The following SYAP1 variants were observed in gnomAD, a reference collection of about 807,000 sequenced individuals.
The protein encoded by SYAP1 is synapse-associated protein 1.
A neutral mutation model predicts 29.6 loss-of-function variants in SYAP1; 3 were observed. That is an observed-to-expected ratio of 0.10 (90% confidence interval 0.05 to 0.26). The LOEUF is 0.26. Among genes scored for constraint, SYAP1 ranks in the 10% least tolerant of loss-of-function variants. The pLI is 1.00. For missense variants in SYAP1, 217 were observed against 264.1 expected, an observed-to-expected ratio of 0.82 and a Z score of 1.24; for synonymous variants, 102 against 102.7, an observed-to-expected ratio of 0.99 and a Z score of 0.04.
intron 2 of SYAP1, among the ~76,000 whole-genome samples, chrX:16,735,724 A>G (rs1430003946): frequency 1.8e-5 from 2 of 111,684 alleles, no homozygotes; most frequent in African/African-American, 6.5e-5. Context: ...TCCTGGGTTT[A>G]TGCAACTCTC....
In SYAP1 at chrX:16,720,348, TG is replaced by T. The variant is rs202218443; in HGVS notation, c.175+450del. Among the ~76,000 whole-genome samples, 938 of 112,589 alleles carry T rather than the reference TG, an allele frequency of 8.3e-3. 10 individuals carry two copies. The highest frequency in any genetic ancestry group is 0.029 in the African/African-American group (885 of 31,015). On this transcript the variant is annotated intron_variant, in intron 1 of 8. Transcript: ENST00000380155. ...CTGAAGTAAACTGACAGTTACTGAA[TG>T]TCAATGTCTGCCCCGGTCAAATGCT...
Position 16,743,915 on chromosome X carries a change from G to A in SYAP1, c.575+75G>A, listed in dbSNP as rs73450384. On this transcript the variant is annotated intron_variant, in intron 5 of 8. Transcript: ENST00000380155. Reference sequence around the variant, plus strand: ...AGTATCAGCACATAATGATGGAAGGGGCCAAAAGGGTCTCTATCTGTTCAT... The same window carrying A: ...AGTATCAGCACATAATGATGGAAGGAGCCAAAAGGGTCTCTATCTGTTCAT... 506 of 1,075,428 alleles carry A rather than the reference G, an allele frequency of 4.7e-4. 3 individuals carry two copies. In the African/African-American group the frequency reaches 8.2e-3, roughly 17 times the overall value. The allele number at this position is 1,075,428 out of a possible 1,213,427, so 88.6% of individuals were successfully genotyped here.
At chrX:16,760,089 CTGAGCACACATAGTAG>C in intron 8 of SYAP1, 127 bp from the exon 9 acceptor site, 1 of 481,084 alleles carries the variant, frequency 2.1e-6, no homozygotes, top group Non-Finnish European at 3.2e-6. Flanking sequence ...CTGAGTTTTT[CTGAGCACACATAGTAG>C]TGAAGCCTGA....
intron 1 of SYAP1, among the ~76,000 whole-genome samples, chrX:16,720,387 A>G (rs1198036490): frequency 1.8e-5 from 2 of 112,148 alleles, no homozygotes; most frequent in Non-Finnish European, 3.8e-5. Flanking sequence ...TTAGGTACAG[A>G]GACCTTTTTC....
intron 4 of SYAP1, among the ~76,000 whole-genome samples, chrX:16,742,920 A>ATTT (rs761130108): frequency 7.9e-4 from 50 of 62,940 alleles, no homozygotes; most frequent in African/African-American, 1.1e-3. Context: ...GTCCGCTTCT[A>ATTT]TTTTTTTTTT....
At chrX:16,724,742 T>C (rs1293479912) in intron 1 of SYAP1, among the ~76,000 whole-genome samples, 3 of 111,921 alleles carry the variant, frequency 2.7e-5, no homozygotes, top group Non-Finnish European at 1.9e-5. Context: ...ATAGCTCCCT[T>C]TTTATTAAGA....
Position 16,719,880 on chromosome X carries a change from C to T in SYAP1, c.156C>T (p.His52=), listed in dbSNP as rs1925916803. The T allele has an allele frequency of 1.5e-5, 18 of 1,189,970 alleles. No individual in the cohort carries two copies. Among genetic ancestry groups the T allele is most frequent in the Non-Finnish European group, 1.8e-5 (16 of 884,786 alleles). Residue 52 remains histidine (H), a synonymous_variant, in exon 1 of 9, where the codon CAC becomes CAT. Coordinates refer to ENST00000380155, the MANE Select transcript of SYAP1 (RefSeq NM_032796.4). ...AAGCGGGAGACCAGGAGCTCCTCCA[C>T]CAGGCCAAAGACTTCGGCAGTGAGT... is the stretch of plus-strand genomic sequence containing the variant. ...LQQAGDQELL[H]QAKDFGNYLF...
rs1273548535 is a variant in SYAP1 at position 16,762,541 on chromosome X, T to C, written c.*2182T>C. The C allele has an allele frequency of 8.9e-6, 1 of 112,335 alleles. No homozygotes were observed. The highest frequency in any genetic ancestry group is 1.9e-5 in the Non-Finnish European group (1 of 53,294). 9.3% of individuals were successfully genotyped at this position (112,335 alleles called of 1,213,427 possible). A position where few individuals can be genotyped will look rare whatever the true frequency, so the allele number is the denominator to read the frequency against. On this transcript the variant is annotated 3_prime_UTR_variant, in exon 9 of 9. Coordinates refer to ENST00000380155, the MANE Select transcript of SYAP1 (RefSeq NM_032796.4). ...AATTATATAGGTAACTGAAGTGTTA[T>C]TCCTTTAAAGAGCAAAATAATTTAT...
intron 1 of SYAP1, among the ~76,000 whole-genome samples, chrX:16,722,807 C>T: frequency 8.9e-6 from 1 of 112,062 alleles, no homozygotes; most frequent in East Asian, 2.8e-4. Flanking sequence ...TATAGGAGAA[C>T]TCACTTAAGA....
chrX:16,754,006 C>T (rs756904844), intron 5 of SYAP1, among the ~76,000 whole-genome samples: 152 of 111,110 alleles, frequency 1.4e-3, no homozygotes, highest in African/African-American at 4.6e-3. Flanking sequence ...CAACACATCA[C>T]ACCAGGTGAT....
chrX:16,742,058 C>T (rs1000839465), intron 4 of SYAP1, among the ~76,000 whole-genome samples: 1 of 106,818 alleles, frequency 9.4e-6, no homozygotes, highest in African/African-American at 3.4e-5. Flanking sequence ...CTCCACCACC[C>T]GGGTTCAAAT....
In SYAP1 at chrX:16,725,766, C is replaced by T. The variant is rs985750762; in HGVS notation, c.175+5867C>T. 2.7e-5 allele frequency among the ~76,000 whole-genome samples: 3 copies of T among 111,825 alleles called. No individual in the cohort carries two copies. The East Asian group carries it at 8.3e-4, about 31-fold the overall frequency. On this transcript the variant is annotated intron_variant, in intron 1 of 8. Coordinates refer to ENST00000380155, the MANE Select transcript of SYAP1 (RefSeq NM_032796.4). ...CGTTCCTGGAGGGCAAGAACTTGTG[C>T]TTTCTCAGATATTCAGTGTGTTCAG...
At chrX:16,721,161 A>C (rs1260853092) in intron 1 of SYAP1, among the ~76,000 whole-genome samples, 4 of 72,967 alleles carry the variant, frequency 5.5e-5, no homozygotes, top group Admixed American at 1.7e-4. Flanking sequence ...GGGTGGGGGG[A>C]TGGGGGTGGA....
chrX:16,733,983 C>T (rs142907799), intron 1 of SYAP1, among the ~76,000 whole-genome samples: 683 of 111,341 alleles, frequency 6.1e-3, no homozygotes, highest in Non-Finnish European at 9.9e-3. Flanking sequence ...TGTCTTTTCA[C>T]ATCTTCCAGA....
At chrX:16,733,366 A>G (rs901993547) in intron 1 of SYAP1, among the ~76,000 whole-genome samples, 1 of 111,424 alleles carries the variant, frequency 9.0e-6, no homozygotes, top group African/African-American at 3.3e-5. Context: ...GCTCCCAGAC[A>G]CCTATACAGT....
At chrX:16,736,354 T>C (rs1926328450) in intron 3 of SYAP1, 122 bp downstream of exon 3, 8 of 463,834 alleles carry the variant, frequency 1.7e-5, no homozygotes, top group Non-Finnish European at 3.0e-5. Context: ...ATCCTTTGGG[T>C]AGCACAAAGA....
At chrX:16,751,785 T>C (rs967658978) in intron 5 of SYAP1, among the ~76,000 whole-genome samples, 5 of 104,937 alleles carry the variant, frequency 4.8e-5, no homozygotes, top group Non-Finnish European at 9.7e-5. Context: ...TTCAAGCAAT[T>C]CTCCTGCCTC....
chrX:16,719,695 T>C lies in SYAP1; in HGVS notation c.-30T>C, dbSNP rs776473927. On this transcript the variant is annotated 5_prime_UTR_variant, in exon 1 of 9. Coordinates refer to ENST00000380155, the MANE Select transcript of SYAP1 (RefSeq NM_032796.4). Reference sequence around the variant, plus strand: ...CAGTGCTCGCTGCGGTCTCTGGGGATCGGGACCGCGGCGGCGGCCCGCGAG... The same window carrying C: ...CAGTGCTCGCTGCGGTCTCTGGGGACCGGGACCGCGGCGGCGGCCCGCGAG... The C allele has an allele frequency of 1.0e-5, 12 of 1,196,636 alleles. No homozygotes were observed. The African/African-American group carries it at 1.6e-4, about 16-fold the overall frequency.
chrX:16,746,655 T>A (rs1926615210), intron 5 of SYAP1, among the ~76,000 whole-genome samples: 1 of 111,304 alleles, frequency 9.0e-6, no homozygotes, highest in African/African-American at 3.3e-5. Context: ...TGATCTCGGC[T>A]CATCGTAACC....
Sources: gnomAD v4.1 joint callset for allele counts (sites outside exome capture counted in the v4.1 genomes callset) on GRCh38, gnomAD v4.1.1 for gene constraint, MANE v1.5 for transcripts, NCBI Gene and HGNC (gene_info 2026-07-23, HGNC 2026-07-21) for gene names.